Variants in MMS19 observed in about 807,000 individuals in gnomAD.
MMS19 encodes the protein MMS19 cytosolic iron-sulfur assembly component, also known as MMS19 nucleotide excision repair protein homolog.
Under a neutral mutation model 129.8 loss-of-function variants are expected in MMS19, and 77 were observed. The observed-to-expected ratio is 0.59, with a 90% CI of 0.49 to 0.72. MMS19 has a LOEUF of 0.72. Among genes scored for constraint, MMS19 ranks in the 30% least tolerant of loss-of-function variants. MMS19 has a pLI of 0.00. For synonymous variants in MMS19, 491 were observed against 502.8 expected (o/e 0.98, Z 0.31); for missense variants, 1,168 against 1,266.3 (o/e 0.92, Z 1.18).
chr10:97,498,294 G>A lies in MMS19; in HGVS notation c.91C>T (p.Pro31Ser), dbSNP rs1015636344. The stretch of plus-strand genomic sequence containing the variant: ...GTACCTGCAGCCACCTGGTCAGCGG[G>A]GCCCTCTTGCTGACCCACGACGAAG... ...HDFVVGQQEGPADQVAADVKS... is the reference protein window; with the variant it reads ...HDFVVGQQEGSADQVAADVKS... The change falls in exon 1 of 31, where the codon CCC becomes TCC. Residue 31 changes from proline (P) to serine (S), a missense_variant. Pro to Ser is a moderately conservative substitution (Grantham distance 74, BLOSUM62 -1). Coordinates refer to ENST00000438925, the MANE Select transcript of MMS19 (RefSeq NM_022362.5). 2 of 1,570,174 alleles carry A rather than the reference G, an allele frequency of 1.3e-6. No homozygotes were observed. The highest frequency in any genetic ancestry group is 1.1e-5 in the South Asian group (1 of 87,124).
chr10:97,466,479 C>A, intron 16 of MMS19, 25 bp downstream of exon 16: 1 of 1,568,444 alleles, frequency 6.4e-7, no homozygotes, highest in South Asian at 1.1e-5. Context: ...ACAGCTTGCT[C>A]TATCTCATTG....
chr10:97,468,028 C>G (rs1020036728), intron 13 of MMS19, among the ~76,000 whole-genome samples: 1 of 151,814 alleles, frequency 6.6e-6, no homozygotes, highest in Non-Finnish European at 1.5e-5. Context: ...GTTGCCCAGG[C>G]TGATCTTGAA....
chr10:97,480,820 T>C (rs1255535575), intron 3 of MMS19, 122 bp downstream of exon 3: 2 of 714,484 alleles, frequency 2.8e-6, no homozygotes, highest in African/African-American at 1.8e-5. Context: ...AATGAAGACC[T>C]TGAATTAGTA....
chr10:97,478,147 T>C (rs1365587054), intron 4 of MMS19, among the ~76,000 whole-genome samples, 157 bp downstream of exon 4: 1 of 152,204 alleles, frequency 6.6e-6, no homozygotes, highest in Non-Finnish European at 1.5e-5. Flanking sequence ...TTTTACTCTC[T>C]AGAGGGAAAA....
intron 10 of MMS19, 63 bp downstream of exon 10, chr10:97,470,066 A>T: frequency 8.9e-7 from 1 of 1,120,044 alleles, no homozygotes; most frequent in Non-Finnish European, 1.3e-6. Flanking sequence ...TAGAATCTAT[A>T]TCCTTTAGGA....
intron 15 of MMS19, 82 bp downstream of exon 15, chr10:97,466,691 AGAG>A: frequency 6.3e-7 from 1 of 1,598,854 alleles, no homozygotes; most frequent in East Asian, 2.2e-5. Context: ...TGCAGTAAGA[AGAG>A]GATAGTAAGG....
chr10:97,478,209 C>G, intron 4 of MMS19, 95 bp downstream of exon 4: 1 of 987,022 alleles, frequency 1.0e-6, no homozygotes, highest in South Asian at 1.5e-5. Flanking sequence ...GCACCTGCTC[C>G]TCAGCATGTG....
rs1254003991 is a variant in MMS19 at position 97,476,695 on chromosome 10, G to A, written c.672C>T (p.Ile224=). The A allele has an allele frequency of 6.8e-6, 11 of 1,613,656 alleles. No homozygotes were observed. The highest frequency in any genetic ancestry group is 2.2e-5 in the South Asian group (2 of 91,026). Residue 224 remains isoleucine, a synonymous_variant, in exon 8 of 31, where the codon ATC becomes ATT. Transcript: ENST00000438925. ...LFEVTSCYFP[I]DFTPPPNDPH... is the part of the protein sequence containing the mutation. ...AGGTGCTACTTACAGGGGTAAAATC[G>A]ATAGGGAAATAACAGGATGTCACTT... is the stretch of plus-strand genomic sequence containing the variant.
At chr10:97,492,189 G>A (rs1206678485) in intron 1 of MMS19, among the ~76,000 whole-genome samples, 1 of 150,068 alleles carries the variant, frequency 6.7e-6, no homozygotes, top group Non-Finnish European at 1.5e-5. Context: ...AGAAAAATGA[G>A]GCCGGGCGCG....
intron 1 of MMS19, among the ~76,000 whole-genome samples, chr10:97,488,130 A>C (rs1049107527): frequency 4.6e-5 from 7 of 152,172 alleles, no homozygotes; most frequent in Non-Finnish European, 1.0e-4. Context: ...AAAATGGGCA[A>C]AAACAAAAAA....
At chr10:97,465,709 T>C in intron 18 of MMS19, 96 bp downstream of exon 18, 2 of 1,216,658 alleles carry the variant, frequency 1.6e-6, no homozygotes, top group South Asian at 1.5e-5. Context: ...GAGTTGATTC[T>C]GTTACTCTTA....
chr10:97,467,287 C>T (rs2033715557), intron 14 of MMS19, among the ~76,000 whole-genome samples: 1 of 152,116 alleles, frequency 6.6e-6, no homozygotes, highest in African/African-American at 2.4e-5. Context: ...CCTCCTGGGG[C>T]AGATTTAAAG....
intron 11 of MMS19, 81 bp downstream of exon 11, chr10:97,469,565 G>A (rs1465347123): frequency 8.3e-7 from 1 of 1,201,446 alleles, no homozygotes; most frequent in Non-Finnish European, 1.2e-6. Flanking sequence ...ATGACAGAGG[G>A]AAAAGGACAG....
At chr10:97,461,735 G>A in intron 22 of MMS19, 93 bp downstream of exon 22, 2 of 1,540,678 alleles carry the variant, frequency 1.3e-6, no homozygotes, top group Non-Finnish European at 1.8e-6. Flanking sequence ...TCTGGTGGGG[G>A]AAGTAAAAGA....
At chr10:97,462,974 G>T in intron 19 of MMS19, 1 of 327,378 alleles carries the variant, frequency 3.1e-6, no homozygotes, top group Non-Finnish European at 5.6e-6. Flanking sequence ...AAATAGAAAT[G>T]TTGTCCCTGG....
chr10:97,494,275 G>A (rs1238886861), intron 1 of MMS19, among the ~76,000 whole-genome samples: 2 of 152,148 alleles, frequency 1.3e-5, no homozygotes, highest in Non-Finnish European at 2.9e-5. Context: ...CCTTAGCAAG[G>A]CACCAGTTTG....
intron 19 of MMS19, among the ~76,000 whole-genome samples, chr10:97,463,396 T>G (rs1232677277): frequency 6.6e-6 from 1 of 152,214 alleles, no homozygotes; most frequent in Non-Finnish European, 1.5e-5. Flanking sequence ...TGGACTCAAG[T>G]GATCCTCCCA....
At chr10:97,468,525 T>A (rs745516802) in intron 12 of MMS19, 119 bp from the exon 13 acceptor site, 1 of 981,566 alleles carries the variant, frequency 1.0e-6, no homozygotes, top group African/African-American at 1.7e-5. Context: ...AACACTCAAA[T>A]TGTTTTCAAT....
chr10:97,477,807 C>G, intron 5 of MMS19, 48 bp downstream of exon 5: 2 of 1,360,050 alleles, frequency 1.5e-6, no homozygotes, highest in Non-Finnish European at 2.0e-6. Flanking sequence ...CCAGTTATGT[C>G]AAGGGGTAGA....
Sources: allele counts gnomAD v4.1 joint callset (sites outside exome capture counted in the v4.1 genomes callset), GRCh38; gene constraint gnomAD v4.1.1; transcripts MANE v1.5; gene names NCBI Gene and HGNC (gene_info 2026-07-23, HGNC 2026-07-21).